ETV5: variants seen among roughly 807,000 people sequenced by gnomAD.
ETV5 encodes ETS variant transcription factor 5.
A neutral mutation model predicts 70.0 loss-of-function variants in ETV5; 10 were observed. The observed-to-expected ratio is 0.14, with a 90% CI of 0.09 to 0.24. ETV5 has a LOEUF of 0.24. ETV5 is among the 10% of genes least tolerant of loss of function. ETV5 has a pLI of 1.00. For missense variants in ETV5, 453 were observed against 651.2 expected, an observed-to-expected ratio of 0.70 and a Z score of 3.31; for synonymous variants, 216 against 242.2, an observed-to-expected ratio of 0.89 and a Z score of 1.01.
chr3:186,049,003 T>A, intron 12 of ETV5, 143 bp from the exon 13 acceptor site: 1 of 663,058 alleles, frequency 1.5e-6, no homozygotes, highest in Non-Finnish European at 2.6e-6. Flanking sequence ...TTTTGAGAAC[T>A]CCTGGGAACC....
chr3:186,075,637 G>C (rs547326223), intron 7 of ETV5, among the ~76,000 whole-genome samples: 11 of 152,322 alleles, frequency 7.2e-5, no homozygotes, highest in Non-Finnish European at 1.6e-4. Flanking sequence ...AGCTTAGGCT[G>C]TTTCCTCCTT....
chr3:186,104,742 CTTTTTTT>C (rs869046424), intron 5 of ETV5, among the ~76,000 whole-genome samples: 7 of 136,784 alleles, frequency 5.1e-5, no homozygotes. Flanking sequence ...TTGCAATATT[CTTTTTTT>C]TTTTTTTTTT....
At position 186,105,788 on chromosome 3, in the gene ETV5, G is replaced by A; in HGVS notation, c.45+36C>T. The A allele has an allele frequency of 1.9e-6, 3 of 1,610,712 alleles. No homozygotes were observed. The highest frequency in any genetic ancestry group is 2.5e-6 in the Non-Finnish European group (3 of 1,176,966). Reference sequence around the variant, plus strand: ...CAGGGGGAAGACTCATATTGGAGAGGGAGGACAAAACAAACCAAAAGCCAC... The same window carrying A: ...CAGGGGGAAGACTCATATTGGAGAGAGAGGACAAAACAAACCAAAAGCCAC... On this transcript the variant is annotated intron_variant, in intron 2 of 12. Transcript: ENST00000306376. This position sits in a 1 kb window ranked among gnomAD's most constrained non-coding sequence, Gnocchi z 4.5.
At chr3:186,077,707 A>G (rs1028881631) in intron 7 of ETV5, among the ~76,000 whole-genome samples, 1 of 152,086 alleles carries the variant, frequency 6.6e-6, no homozygotes. Context: ...TGCATTGAAA[A>G]TCCCCGCTCC....
At chr3:186,097,081 G>A (rs1324047158) in intron 5 of ETV5, among the ~76,000 whole-genome samples, 1 of 152,080 alleles carries the variant, frequency 6.6e-6, no homozygotes, top group Non-Finnish European at 1.5e-5. Context: ...TTAAAACCTG[G>A]CCTAGTTTTG....
At chr3:186,081,317 G>A (rs778454723) in intron 5 of ETV5, 142 bp from the exon 6 acceptor site, 7 of 699,752 alleles carry the variant, frequency 1.0e-5, no homozygotes, top group Non-Finnish European at 1.5e-5. Context: ...AAAGCAAAAC[G>A]CTTAAACACA....
At chr3:186,103,559 G>C (rs1714514390) in intron 5 of ETV5, among the ~76,000 whole-genome samples, 1 of 151,026 alleles carries the variant, frequency 6.6e-6, no homozygotes, top group Non-Finnish European at 1.5e-5. Context: ...AACTGGAAAG[G>C]CTGGGCCAAA....
chr3:186,048,676 C>T lies in ETV5; in HGVS notation c.1496G>A (p.Cys499Tyr), dbSNP rs1490469637. The T allele has an allele frequency of 1.9e-6, 3 of 1,614,194 alleles. No homozygotes were observed. The highest frequency in any genetic ancestry group is 2.5e-6 in the Non-Finnish European group (3 of 1,180,036). ...GCCTTCGGCATAGGGGAGGCTGCTG[C>T]AGCGGTCCATGTCCAGGAGGTAAGC... ...SPAYLLDMDRCSSLPYAEGFA... is the reference protein window; with the variant it reads ...SPAYLLDMDRYSSLPYAEGFA... Residue 499 changes from cysteine to tyrosine, a missense_variant, in exon 13 of 13, where the codon TGC (cysteine) becomes TAC (tyrosine). Coordinates refer to ENST00000306376, the MANE Select transcript of ETV5 (RefSeq NM_004454.3).
intron 7 of ETV5, chr3:186,079,114 C>T (rs1421572160): frequency 9.4e-7 from 1 of 1,061,964 alleles, no homozygotes; most frequent in Non-Finnish European, 1.1e-6. Context: ...AAGACAGGCC[C>T]CCAGCACATC....
intron 5 of ETV5, among the ~76,000 whole-genome samples, chr3:186,103,620 AACACACACACACACACACACACACACAC>A (rs10534124): frequency 2.8e-5 from 4 of 142,972 alleles, no homozygotes; most frequent in East Asian, 4.0e-4. Context: ...TCATCTTGCA[AACACACACACACACACACACACACACAC>A]ACACACACAC....
chr3:186,087,879 A>G (rs75192510), intron 5 of ETV5, among the ~76,000 whole-genome samples: 2,590 of 152,222 alleles, frequency 0.017, 76 homozygotes, highest in African/African-American at 0.06. Context: ...ATCTTGTCTA[A>G]TAAGGCTTTC....
At position 186,064,485 on chromosome 3, in the gene ETV5, A is replaced by G. The variant is rs747333719; in HGVS notation, c.911-9T>C. 4.3e-6 allele frequency: 7 copies of G among 1,614,022 alleles called. No individual in the cohort carries two copies. Among genetic ancestry groups the G allele is most frequent in the Non-Finnish European group, 5.9e-6 (7 of 1,179,904 alleles). ...CTGGCAGTTAGGCACTTCTGAAAGG[A>G]AAGCAAAGGTGGACACAATCCTGTC... On this transcript the variant is annotated splice_polypyrimidine_tract_variant and intron_variant, in intron 8 of 12. Coordinates refer to ENST00000306376, the MANE Select transcript of ETV5 (RefSeq NM_004454.3).
chr3:186,072,697 A>G (rs1318991411), intron 7 of ETV5, among the ~76,000 whole-genome samples: 4 of 152,222 alleles, frequency 2.6e-5, no homozygotes, highest in African/African-American at 7.2e-5. Context: ...GAAGACATTG[A>G]GAGATAAGGA....
At chr3:186,081,619 A>G (rs1030033660) in intron 5 of ETV5, among the ~76,000 whole-genome samples, 1 of 152,228 alleles carries the variant, frequency 6.6e-6, no homozygotes, top group Non-Finnish European at 1.5e-5. Context: ...TGTGGCAAAT[A>G]TATTTCTTAT....
intron 12 of ETV5, among the ~76,000 whole-genome samples, chr3:186,049,777 T>A (rs1712980415): frequency 6.6e-6 from 1 of 152,170 alleles, no homozygotes; most frequent in African/African-American, 2.4e-5. Flanking sequence ...ATCAACCACC[T>A]CTAGTTAGTG....
chr3:186,068,535 C>T (rs1056293908), intron 7 of ETV5, among the ~76,000 whole-genome samples: 4 of 152,328 alleles, frequency 2.6e-5, no homozygotes, highest in African/African-American at 9.6e-5. Flanking sequence ...TTCCTTAACA[C>T]TCTTCAGCTG....
At chr3:186,064,120 A>G (rs1713376289) in intron 9 of ETV5, 2 of 410,418 alleles carry the variant, frequency 4.9e-6, no homozygotes, top group Non-Finnish European at 8.8e-6. Flanking sequence ...ATACTGTTAA[A>G]AAGTTGGGGT....
At position 186,047,689 on chromosome 3, in the gene ETV5, G is replaced by T. The variant is rs763309014; in HGVS notation, c.*950C>A. The T allele has an allele frequency of 4.3e-6, 1 of 233,444 alleles. No individual in the cohort carries two copies. 14.5% of individuals were successfully genotyped at this position (233,444 alleles called of 1,614,324 possible). Reference sequence around the variant, plus strand: ...ACAAGGCGGGCTTTCACATGGCCAAGGGGAAGCCTCAGCAAAGCCCCTCTC... The same window carrying T: ...ACAAGGCGGGCTTTCACATGGCCAATGGGAAGCCTCAGCAAAGCCCCTCTC... On this transcript the variant is annotated 3_prime_UTR_variant, in exon 13 of 13. Coordinates refer to ENST00000306376, the MANE Select transcript of ETV5 (RefSeq NM_004454.3).
At chr3:186,070,621 G>C (rs1713609526) in intron 7 of ETV5, among the ~76,000 whole-genome samples, 1 of 152,254 alleles carries the variant, frequency 6.6e-6, no homozygotes, top group Non-Finnish European at 1.5e-5. Flanking sequence ...AAGATTCTCA[G>C]AGCTTGCTGC....
Sources: gnomAD v4.1 joint callset for allele counts (sites outside exome capture counted in the v4.1 genomes callset) on GRCh38, gnomAD v4.1.1 for gene constraint, Gnocchi (gnomAD v3.1) non-coding constraint, MANE v1.5 for transcripts, NCBI Gene and HGNC (gene_info 2026-07-23, HGNC 2026-07-21) for gene names.